Variants in CUX1 observed in about 807,000 individuals in gnomAD.
CUX1 encodes protein CASP.
In CUX1, 31 loss-of-function variants were observed where a neutral mutation model predicts 158.8. That is an observed-to-expected ratio of 0.20 (90% CI 0.15 to 0.26). CUX1 has a LOEUF of 0.26. Ranked by LOEUF, CUX1 falls within the 10% of genes least tolerant of loss-of-function variation. The probability of loss-of-function intolerance (pLI) is 1.00; values close to 1 mark genes in which losing one functional copy is unlikely to be tolerated. For synonymous variants in CUX1, 879 were observed against 862.1 expected, an observed-to-expected ratio of 1.02 and a Z score of -0.34; for missense variants, 1,589 against 2,014.6, an observed-to-expected ratio of 0.79 and a Z score of 4.04.
In CUX1 at chr7:101,955,092, G is replaced by A. The variant is rs561419507; in HGVS notation, c.141+38867G>A. ...AGGCAGGAGAATTGCTTGAACCCTG[G>A]TGGCGGAGGTTGCAGTGAGCTGAGA... On this transcript the variant is annotated intron_variant, in intron 2 of 23. Transcript: ENST00000292535. Among the ~76,000 whole-genome samples, 121 of 151,994 alleles carry A rather than the reference G, an allele frequency of 8.0e-4. 1 individual carries two copies. Among genetic ancestry groups the A allele is most frequent in the Middle Eastern group, 6.8e-3 (2 of 294 alleles).
At chr7:101,933,099 A>G (rs1806477986) in intron 2 of CUX1, among the ~76,000 whole-genome samples, 1 of 152,210 alleles carries the variant, frequency 6.6e-6, no homozygotes, top group South Asian at 2.1e-4. Flanking sequence ...AGTCATTTTT[A>G]TTTTAAAATT....
intron 15 of CUX1, chr7:102,273,578 C>A: frequency 6.6e-7 from 1 of 1,510,212 alleles, no homozygotes; most frequent in Non-Finnish European, 9.0e-7. Flanking sequence ...CCAGATTAGC[C>A]TGTGTATCAG....
At chr7:102,163,429 A>T (rs891092177) in intron 9 of CUX1, among the ~76,000 whole-genome samples, 1 of 152,082 alleles carries the variant, frequency 6.6e-6, no homozygotes, top group Non-Finnish European at 1.5e-5. Context: ...CCGAGAGTTC[A>T]AAACCAACAC....
intron 1 of CUX1, among the ~76,000 whole-genome samples, chr7:101,907,077 T>A (rs909181498): frequency 2.0e-5 from 3 of 152,104 alleles, no homozygotes; most frequent in East Asian, 1.9e-4. Context: ...GGGAAAGTGA[T>A]GGGGAAGGAT....
chr7:102,158,938 A>G (rs1277845345), intron 9 of CUX1, among the ~76,000 whole-genome samples: 1 of 152,234 alleles, frequency 6.6e-6, no homozygotes, highest in Non-Finnish European at 1.5e-5. Flanking sequence ...GACAGTGTAG[A>G]CATCTCACCA....
chr7:101,981,730 T>C (rs1813471358), intron 2 of CUX1, among the ~76,000 whole-genome samples: 1 of 152,052 alleles, frequency 6.6e-6, no homozygotes, highest in South Asian at 2.1e-4. Flanking sequence ...CCTGCCTCCG[T>C]CTCCTGAGTA....
At chr7:102,001,798 C>T (rs1449143589) in intron 2 of CUX1, among the ~76,000 whole-genome samples, 1 of 152,244 alleles carries the variant, frequency 6.6e-6, no homozygotes. Context: ...CTCACTCCTT[C>T]CTTCTGGACA....
intron 1 of CUX1, among the ~76,000 whole-genome samples, chr7:101,838,672 G>A (rs1244758323): frequency 6.6e-6 from 1 of 151,726 alleles, no homozygotes; most frequent in Non-Finnish European, 1.5e-5. Flanking sequence ...GCTTGGTGGC[G>A]CATGCCTGTA....
At chr7:101,920,092 G>C (rs1804727410) in intron 2 of CUX1, among the ~76,000 whole-genome samples, 1 of 151,474 alleles carries the variant, frequency 6.6e-6, no homozygotes. Context: ...CACAGTGCCT[G>C]GCTAGTATAT....
In CUX1 at chr7:102,249,996, G is replaced by A; in HGVS notation, c.*954G>A. 1.0e-6 allele frequency: 1 copy of A among 984,168 alleles called. No homozygotes were observed. The highest frequency in any genetic ancestry group is 1.2e-6 in the Non-Finnish European group (1 of 829,738). The allele number at this position is 984,168 out of a possible 1,614,324, so 61.0% of individuals were successfully genotyped here. ...ATAGCTTTAACTGACCCTGGGTTTT[G>A]CAGACCAGGGTTTGTTTAATACACT... is the stretch of plus-strand genomic sequence containing the variant. On this transcript the variant is annotated 3_prime_UTR_variant, in exon 24 of 24. Coordinates refer to ENST00000292535, the MANE Select transcript of CUX1 (RefSeq NM_181552.4).
chr7:102,025,994 T>A (rs1470544371), intron 2 of CUX1, among the ~76,000 whole-genome samples: 1 of 152,020 alleles, frequency 6.6e-6, no homozygotes, highest in Admixed American at 6.6e-5. Flanking sequence ...CTGGGCAACA[T>A]AGCAAGACCC....
At chr7:102,145,681 T>C (rs1326750930) in intron 8 of CUX1, among the ~76,000 whole-genome samples, 1 of 152,120 alleles carries the variant, frequency 6.6e-6, no homozygotes, top group African/African-American at 2.4e-5. Flanking sequence ...GCGCGGTGGC[T>C]CACGCCTGTA....
chr7:102,176,331 C>T (rs1274549658), intron 10 of CUX1, among the ~76,000 whole-genome samples: 4 of 152,148 alleles, frequency 2.6e-5, no homozygotes, highest in African/African-American at 9.7e-5. Context: ...ACGGTGCCAC[C>T]CTTTCCCCAC....
At position 102,097,612 on chromosome 7, in the gene CUX1, C is replaced by T. The variant is rs538283487; in HGVS notation, c.406+111C>T. 3.7e-5 allele frequency: 42 copies of T among 1,122,426 alleles called. No individual in the cohort carries two copies. The East Asian group carries it at 4.8e-4, about 13-fold the overall frequency. The allele number at this position is 1,122,426 out of a possible 1,614,324, so 69.5% of individuals were successfully genotyped here. On this transcript the variant is annotated intron_variant, in intron 5 of 23. Transcript: ENST00000292535. The stretch of plus-strand genomic sequence containing the variant: ...AGACCAGCTCTCCTTGTAATATACA[C>T]GTCATAAAGTCAGGGTGGGGCAGGA...
At chr7:102,117,552 G>A (rs910556230) in intron 8 of CUX1, among the ~76,000 whole-genome samples, 12 of 152,142 alleles carry the variant, frequency 7.9e-5, no homozygotes, top group Admixed American at 5.9e-4. Flanking sequence ...CCCCTCGAGG[G>A]GAGCCGTGGC....
rs1804169491 is a variant in CUX1 at position 101,916,127 on chromosome 7, G to A, written c.43G>A (p.Ala15Thr). ...GTTTCCCCAACAGAGAGAACTCGAT[G>A]CCACCGCAACGGTATTGGCGAACCG... is the stretch of plus-strand genomic sequence containing the variant. ...AGARLKRELD[A>T]TATVLANRQD... Residue 15 changes from alanine to threonine, a missense_variant, in exon 2 of 24, where the codon GCC (alanine) becomes ACC (threonine). Around this residue, in one of 8 missense-constraint regions of CUX1, gnomAD observed 63 missense variants for 109.2 expected, o/e 0.58. Transcript: ENST00000292535. The surrounding 1 kb of genome is among the most constrained non-coding windows in gnomAD (Gnocchi z 4.4). The A allele has an allele frequency of 5.6e-6, 9 of 1,612,972 alleles. No homozygotes were observed. Among genetic ancestry groups the A allele is most frequent in the Non-Finnish European group, 7.6e-6 (9 of 1,179,186 alleles).
At chr7:102,236,377 C>T (rs547923414) in intron 22 of CUX1, among the ~76,000 whole-genome samples, 3 of 152,370 alleles carry the variant, frequency 2.0e-5, no homozygotes, top group South Asian at 2.1e-4. Context: ...CCCCAGGCAG[C>T]GCTGTAAGCT....
In CUX1 at chr7:101,870,158, T is replaced by TTG. The variant is rs1459380773; in HGVS notation, c.31-45956_31-45955insGT. Among the ~76,000 whole-genome samples, 590 of 149,264 alleles carry TTG rather than the reference T, an allele frequency of 4.0e-3. 5 individuals carry two copies. Among genetic ancestry groups the TTG allele is most frequent in the Middle Eastern group, 6.8e-3 (2 of 292 alleles). On this transcript the variant is annotated intron_variant, in intron 1 of 23. Coordinates refer to ENST00000292535, the MANE Select transcript of CUX1 (RefSeq NM_181552.4). ...TGATGTTTAGTGTTTTTTTTGTTTT[T>TTG]TTTTTTTTTTTTAAAGACAGCATCT...
At chr7:102,244,466 G>T (rs1800585998) in intron 23 of CUX1, among the ~76,000 whole-genome samples, 1 of 152,212 alleles carries the variant, frequency 6.6e-6, no homozygotes, top group African/African-American at 2.4e-5. Flanking sequence ...GGGAGGCCAA[G>T]GTGGGAGGAT....
Sources: allele counts gnomAD v4.1 joint callset (sites outside exome capture counted in the v4.1 genomes callset), GRCh38; gene constraint gnomAD v4.1.1; regional missense constraint gnomAD v4.1.1; non-coding constraint Gnocchi (gnomAD v3.1); transcripts MANE v1.5; gene names NCBI Gene and HGNC (gene_info 2026-07-23, HGNC 2026-07-21).